METTL15: variants seen among roughly 807,000 people sequenced by gnomAD.
METTL15 encodes methyltransferase 15, mitochondrial 12S rRNA N4-cytidine.
A neutral mutation model predicts 38.3 loss-of-function variants in METTL15; 34 were observed. The ratio of observed to expected loss-of-function variants is 0.89; its 90% CI spans 0.68 to 1.18. The LOEUF (loss-of-function observed/expected upper bound fraction) is 1.18. Among genes scored for constraint, METTL15 ranks in the 50% most tolerant of loss-of-function variants. The pLI, the probability that METTL15 is intolerant of heterozygous loss-of-function variation, is 0.00. For synonymous variants in METTL15, 162 were observed against 170.9 expected, an observed-to-expected ratio of 0.95 and a Z score of 0.41; for missense variants, 438 against 498.4, an observed-to-expected ratio of 0.88 and a Z score of 1.15.
In METTL15 at chr11:28,234,241, T is replaced by G. The variant is rs754906602; in HGVS notation, c.407+23043T>G. Reference sequence around the variant, plus strand: ...TGGGTTGGTTCCAGGTCTTTGCTATTGTGAATAGTGCTGCAATAAACATAC... The same window carrying G: ...TGGGTTGGTTCCAGGTCTTTGCTATGGTGAATAGTGCTGCAATAAACATAC... On this transcript the variant is annotated intron_variant, in intron 4 of 6. Coordinates refer to ENST00000407364, the MANE Select transcript of METTL15 (RefSeq NM_001113528.2). Among the ~76,000 whole-genome samples, 18 of 152,218 alleles carry G rather than the reference T, an allele frequency of 1.2e-4. No individual in the cohort carries two copies. The South Asian group carries it at 1.2e-3, about 11-fold the overall frequency.
chr11:28,508,914 A>G (rs1851652141), intron 6 of METTL15, among the ~76,000 whole-genome samples: 1 of 152,266 alleles, frequency 6.6e-6, no homozygotes, highest in Non-Finnish European at 1.5e-5. Flanking sequence ...GGTTGGCATG[A>G]GGCCAAGATG....
chr11:28,267,199 A>G (rs562276773), intron 4 of METTL15, among the ~76,000 whole-genome samples: 4 of 150,292 alleles, frequency 2.7e-5, no homozygotes, highest in African/African-American at 9.8e-5. Context: ...AAGAATGTAC[A>G]GTGGCTTCTA....
At chr11:28,266,491 T>C (rs1477759279) in intron 4 of METTL15, among the ~76,000 whole-genome samples, 3 of 152,186 alleles carry the variant, frequency 2.0e-5, no homozygotes, top group Admixed American at 6.5e-5. Flanking sequence ...TGACTAAAAC[T>C]GAACACCTGA....
rs1458757175 is a variant in METTL15 at position 28,129,186 on chromosome 11, TTC to T, written c.270+15583_270+15584del. 4.6e-5 allele frequency among the ~76,000 whole-genome samples: 7 copies of T among 152,214 alleles called. No homozygotes were observed. In the East Asian group the frequency reaches 1.3e-3, roughly 29 times the overall value. ...CACTTGAGGAATCTTTTAGATGCTA[TTC>T]ATTTACACAGCAACTCAGTAGACTA... On this transcript the variant is annotated intron_variant, in intron 3 of 6. Coordinates refer to ENST00000407364, the MANE Select transcript of METTL15 (RefSeq NM_001113528.2).
In METTL15 at chr11:28,194,841, C is replaced by G. The variant is rs187100006; in HGVS notation, c.271-16221C>G. On this transcript the variant is annotated intron_variant, in intron 3 of 6. Transcript: ENST00000407364. ...CCCCAATAGGTTTTTTTTTTCAACC[C>G]TCACCCGCCTCCTAACCTCCGTCTT... Among the ~76,000 whole-genome samples the G allele has an allele frequency of 1.2e-3, 175 of 151,354 alleles. 3 individuals carry two copies. Among genetic ancestry groups the G allele is most frequent in the Admixed American group, 0.011 (174 of 15,158 alleles).
At chr11:28,235,369 G>A (rs1269135803) in intron 4 of METTL15, among the ~76,000 whole-genome samples, 1 of 152,042 alleles carries the variant, frequency 6.6e-6, no homozygotes, top group East Asian at 1.9e-4. Flanking sequence ...TGATGGGGAT[G>A]GCATTGAATC....
chr11:28,256,232 C>T (rs1461794940), intron 4 of METTL15, among the ~76,000 whole-genome samples: 4 of 152,064 alleles, frequency 2.6e-5, no homozygotes, highest in Non-Finnish European at 5.9e-5. Context: ...GAAAATATTC[C>T]CTTATCCTCT....
intron 5 of METTL15, among the ~76,000 whole-genome samples, chr11:28,368,067 A>G (rs1292834340): frequency 1.3e-5 from 2 of 150,096 alleles, no homozygotes; most frequent in African/African-American, 4.9e-5. Flanking sequence ...ACCAAAAGCC[A>G]TGGCAACAAA....
intron 3 of METTL15, among the ~76,000 whole-genome samples, chr11:28,118,516 T>C (rs554426834): frequency 6.6e-6 from 1 of 152,286 alleles, no homozygotes; most frequent in African/African-American, 2.4e-5. Context: ...TGGAGATATT[T>C]TAGTCTGGGC....
chr11:28,224,752 A>G (rs1374158596), intron 4 of METTL15, among the ~76,000 whole-genome samples: 1 of 151,844 alleles, frequency 6.6e-6, no homozygotes, highest in East Asian at 1.9e-4. Context: ...ATAAATAGCG[A>G]ATATCTGATG....
intron 4 of METTL15, among the ~76,000 whole-genome samples, chr11:28,353,978 A>G (rs948283290): frequency 6.6e-6 from 1 of 151,848 alleles, no homozygotes; most frequent in East Asian, 1.9e-4. Flanking sequence ...TCTAATGTCT[A>G]TCTTGTAATT....
intron 5 of METTL15, among the ~76,000 whole-genome samples, chr11:28,418,230 G>A (rs142939686): frequency 1.1e-4 from 17 of 152,238 alleles, no homozygotes; most frequent in South Asian, 6.2e-4. Context: ...AATCACGCTC[G>A]TTAAACTTGT....
downstream of METTL15, among the ~76,000 whole-genome samples, chr11:28,337,131 T>G (rs1258792503): frequency 1.3e-5 from 2 of 152,162 alleles, no homozygotes. Context: ...AAAGAAAATG[T>G]TTTTGTACAG....
At chr11:28,302,920 T>C (rs976353920) in intron 6 of METTL15, among the ~76,000 whole-genome samples, 2 of 152,100 alleles carry the variant, frequency 1.3e-5, no homozygotes, top group Admixed American at 6.6e-5. Flanking sequence ...ATATAAAAAT[T>C]CTCAAGCTCT....
At chr11:28,464,235 G>A (rs934922161) in intron 6 of METTL15, among the ~76,000 whole-genome samples, 7 of 152,066 alleles carry the variant, frequency 4.6e-5, no homozygotes, top group Admixed American at 4.6e-4. Context: ...ACCAATAATG[G>A]TGAAAATAGC....
intron 6 of METTL15, among the ~76,000 whole-genome samples, chr11:28,327,383 C>CT (rs1353544991): frequency 4.3e-4 from 66 of 152,338 alleles, no homozygotes; most frequent in African/African-American, 1.5e-3. Context: ...TTCTGCATGA[C>CT]TTTATGACAT....
At chr11:28,506,746 T>G (rs1039386073) in intron 6 of METTL15, among the ~76,000 whole-genome samples, 1 of 50,922 alleles carries the variant, frequency 2.0e-5, no homozygotes, top group Non-Finnish European at 6.9e-5. Context: ...CTTTTTTTTT[T>G]TTTTTTTTTT....
At chr11:28,475,171 A>G (rs973079700) in intron 6 of METTL15, among the ~76,000 whole-genome samples, 2 of 152,208 alleles carry the variant, frequency 1.3e-5, no homozygotes, top group Admixed American at 6.5e-5. Flanking sequence ...GAAAGAAGCT[A>G]TGGAAGGCTA....
chr11:28,516,838 T>C (rs1851723631), intron 6 of METTL15: 1 of 152,164 alleles, frequency 6.6e-6, no homozygotes. Flanking sequence ...CCCAGGGAGA[T>C]AGAATGTCAT....
Sources: gnomAD v4.1 joint callset for allele counts (sites outside exome capture counted in the v4.1 genomes callset) on GRCh38, gnomAD v4.1.1 for gene constraint, MANE v1.5 for transcripts, NCBI Gene and HGNC (gene_info 2026-07-23, HGNC 2026-07-21) for gene names.